ARL8B: variants seen among roughly 807,000 people sequenced by gnomAD.
The protein encoded by ARL8B is ARF like GTPase 8B.
A neutral mutation model predicts 30.6 loss-of-function variants in ARL8B; 9 were observed. The observed-to-expected ratio is 0.29, with a 90% CI of 0.18 to 0.51. The LOEUF (loss-of-function observed/expected upper bound fraction) is 0.51. ARL8B is among the 20% of genes least tolerant of loss of function. ARL8B has a pLI of 0.97. For synonymous variants in ARL8B, 74 were observed against 76.0 expected, an observed-to-expected ratio of 0.97 and a Z score of 0.14; for missense variants, 130 against 227.2, an observed-to-expected ratio of 0.57 and a Z score of 2.75.
Position 5,142,451 on chromosome 3 carries a change from C to A in ARL8B, c.123+19863C>A, listed in dbSNP as rs1189141838. ...CATGCGTCCTTGTCCTGGTATAGAG[C>A]CAACATGCAATCCATTTCTTCAGGA... On this transcript the variant is annotated intron_variant, in intron 1 of 6. Transcript: ENST00000256496. Among the ~76,000 whole-genome samples the A allele has an allele frequency of 3.9e-5, 6 of 152,234 alleles. No individual in the cohort carries two copies. In the East Asian group the frequency reaches 1.2e-3, roughly 29 times the overall value.
intron 6 of ARL8B, among the ~76,000 whole-genome samples, chr3:5,175,719 C>T (rs1178222978): frequency 6.6e-6 from 1 of 152,166 alleles, no homozygotes; most frequent in Non-Finnish European, 1.5e-5. Context: ...TGTAGAAGAT[C>T]CCTCCTTGCC....
chr3:5,160,912 G>T (rs925603684), intron 1 of ARL8B, among the ~76,000 whole-genome samples: 15 of 152,170 alleles, frequency 9.9e-5, no homozygotes, highest in African/African-American at 3.6e-4. Flanking sequence ...CTTGCCACTA[G>T]TGTTTTTTTG....
At chr3:5,147,013 T>A (rs1269468351) in intron 1 of ARL8B, among the ~76,000 whole-genome samples, 2 of 134,238 alleles carry the variant, frequency 1.5e-5, no homozygotes, top group African/African-American at 6.6e-5. Flanking sequence ...GGGATTACCT[T>A]TTCTTCCTCT....
chr3:5,130,748 C>A (rs894191542), intron 1 of ARL8B, among the ~76,000 whole-genome samples: 1 of 151,936 alleles, frequency 6.6e-6, no homozygotes, highest in Non-Finnish European at 1.5e-5. Context: ...GTTGGCCAGG[C>A]GAGTCTTGAA....
At position 5,147,932 on chromosome 3, in the gene ARL8B, A is replaced by G. The variant is rs542883404; in HGVS notation, c.124-22571A>G. On this transcript the variant is annotated intron_variant, in intron 1 of 6. Coordinates refer to ENST00000256496, the MANE Select transcript of ARL8B (RefSeq NM_018184.3). ...AAGACATTTTGTGTCCTAGGAGTGG[A>G]CTCTTTGATCCCTTTAATTATTCTC... Among the ~76,000 whole-genome samples, 11 of 145,528 alleles carry G rather than the reference A, an allele frequency of 7.6e-5. No individual in the cohort carries two copies. The South Asian group carries it at 2.5e-3, about 34-fold the overall frequency.
chr3:5,150,317 G>A (rs1339331208), intron 1 of ARL8B, among the ~76,000 whole-genome samples: 1 of 151,900 alleles, frequency 6.6e-6, no homozygotes, highest in Non-Finnish European at 1.5e-5. Flanking sequence ...ACAAAAATTA[G>A]CCAGGCGTGG....
Position 5,165,841 on chromosome 3 carries a change from T to G in ARL8B, c.124-4662T>G, listed in dbSNP as rs75453963. On this transcript the variant is annotated intron_variant, in intron 1 of 6. Transcript: ENST00000256496. ...GCATGTCTTCATTTAAAAGAACAATTGTGAAATCTAACCTAATCCATTTAG... is the reference window on the plus strand; with the variant it reads ...GCATGTCTTCATTTAAAAGAACAATGGTGAAATCTAACCTAATCCATTTAG... Among the ~76,000 whole-genome samples, 1,407 of 152,286 alleles carry G rather than the reference T, an allele frequency of 9.2e-3. 12 individuals are homozygous for G. The highest frequency in any genetic ancestry group is 0.011 in the Non-Finnish European group (761 of 68,026).
intron 1 of ARL8B, among the ~76,000 whole-genome samples, chr3:5,147,615 C>G (rs928395081): frequency 1.3e-5 from 2 of 152,106 alleles, no homozygotes; most frequent in South Asian, 2.1e-4. Context: ...TTCTGACTAC[C>G]TCTTCCACAG....
chr3:5,175,814 T>A (rs567624562), intron 6 of ARL8B, among the ~76,000 whole-genome samples: 1 of 152,314 alleles, frequency 6.6e-6, no homozygotes, highest in East Asian at 1.9e-4. Flanking sequence ...CTCACATTCA[T>A]GCTTCTCCCC....
In ARL8B at chr3:5,179,960, T is replaced by G. The variant is rs953395202; in HGVS notation, c.*1247T>G. The G allele has an allele frequency of 6.5e-5, 10 of 152,680 alleles. No homozygotes were observed. The highest frequency in any genetic ancestry group is 2.4e-4 in the African/African-American group (10 of 41,466). The allele number at this position is 152,680 out of a possible 1,614,324, so 9.5% of individuals were successfully genotyped here. On this transcript the variant is annotated 3_prime_UTR_variant, in exon 7 of 7. Coordinates refer to ENST00000256496, the MANE Select transcript of ARL8B (RefSeq NM_018184.3). ...TGGACATGTTTTGTAGTTTAGCGAC[T>G]TCCGTATACATAAAGGGACATATTA...
At chr3:5,122,708 G>A (rs1043079846) in intron 1 of ARL8B, 120 bp downstream of exon 1, 3 of 1,169,168 alleles carry the variant, frequency 2.6e-6, no homozygotes, top group African/African-American at 3.1e-5. Context: ...GGGGGCGTGC[G>A]AAGCTGGGCC....
chr3:5,139,678 A>G (rs2054355337), intron 1 of ARL8B, among the ~76,000 whole-genome samples: 1 of 152,224 alleles, frequency 6.6e-6, no homozygotes, highest in African/African-American at 2.4e-5. Flanking sequence ...CCCTGGAAGT[A>G]GAATGAGGCA....
At position 5,122,339 on chromosome 3, in the gene ARL8B, G is replaced by C. The variant is rs531971704; in HGVS notation, c.-127G>C. 2.0e-3 allele frequency: 3,110 copies of C among 1,540,876 alleles called. 5 individuals carry two copies. The highest frequency in any genetic ancestry group is 2.6e-3 in the Non-Finnish European group (2,964 of 1,145,208). Reference sequence around the variant, plus strand: ...GGTCTGGCTGCTGCCGCCCGCCGGTGTCCGCCCGTGTCGCGCCGGGGCACC... The same window carrying C: ...GGTCTGGCTGCTGCCGCCCGCCGGTCTCCGCCCGTGTCGCGCCGGGGCACC... On this transcript the variant is annotated 5_prime_UTR_variant, in exon 1 of 7. Transcript: ENST00000256496.
intron 1 of ARL8B, among the ~76,000 whole-genome samples, chr3:5,136,859 C>G (rs1223704245): frequency 6.6e-6 from 1 of 152,142 alleles, no homozygotes; most frequent in African/African-American, 2.4e-5. Flanking sequence ...CACTGTCTTA[C>G]TCATCGTTCA....
chr3:5,178,174 T>C (rs2054746252), intron 6 of ARL8B, among the ~76,000 whole-genome samples: 1 of 152,046 alleles, frequency 6.6e-6, no homozygotes, highest in South Asian at 2.1e-4. Flanking sequence ...TTTAGTCACA[T>C]TGTATCACTC....
At chr3:5,126,114 A>T (rs1217641779) in intron 1 of ARL8B, among the ~76,000 whole-genome samples, 1 of 142,246 alleles carries the variant, frequency 7.0e-6, no homozygotes, top group Non-Finnish European at 1.5e-5. Flanking sequence ...AGTGAATTTC[A>T]TACTTTTTTT....
At chr3:5,149,979 T>C (rs2054465317) in intron 1 of ARL8B, among the ~76,000 whole-genome samples, 1 of 152,234 alleles carries the variant, frequency 6.6e-6, no homozygotes. Context: ...TGCAGTGATA[T>C]ATCCCTCTTG....
At chr3:5,169,655 C>G (rs1352343197) in intron 1 of ARL8B, among the ~76,000 whole-genome samples, 1 of 151,152 alleles carries the variant, frequency 6.6e-6, no homozygotes, top group Non-Finnish European at 1.5e-5. Context: ...ATTAGTGAGT[C>G]GAACGTCTTT....
chr3:5,157,192 G>T (rs1393337637), intron 1 of ARL8B, among the ~76,000 whole-genome samples: 1 of 151,928 alleles, frequency 6.6e-6, no homozygotes, highest in Non-Finnish European at 1.5e-5. Context: ...CCACACAGGG[G>T]TCAACCAGGC....
Sources: allele counts gnomAD v4.1 joint callset (sites outside exome capture counted in the v4.1 genomes callset), GRCh38; gene constraint gnomAD v4.1.1; transcripts MANE v1.5; gene names NCBI Gene and HGNC (gene_info 2026-07-23, HGNC 2026-07-21).